Variants in DOCK1 observed in about 807,000 individuals in gnomAD.
The protein encoded by DOCK1 is dedicator of cytokinesis 1.
DOCK1 carries 138 observed loss-of-function variants against 262.7 expected under a neutral mutation model. The observed-to-expected ratio is 0.53, with a 90% CI of 0.46 to 0.61. The LOEUF is 0.61. Among genes scored for constraint, DOCK1 ranks in the 20% least tolerant of loss-of-function variants. DOCK1 has a pLI of 0.00. For synonymous variants in DOCK1, 866 were observed against 867.4 expected (o/e 1.00, Z 0.03); for missense variants, 1,908 against 2,370.7 (o/e 0.80, Z 4.05).
chr10:127,217,320 C>T (rs756839350), intron 27 of DOCK1, among the ~76,000 whole-genome samples: 2 of 152,184 alleles, frequency 1.3e-5, no homozygotes, highest in Non-Finnish European at 2.9e-5. Flanking sequence ...TAGTTTCACA[C>T]TGGGCTTTAT....
At chr10:126,911,083 G>A (rs932804021) in intron 1 of DOCK1, among the ~76,000 whole-genome samples, 2 of 152,200 alleles carry the variant, frequency 1.3e-5, no homozygotes, top group African/African-American at 4.8e-5. Flanking sequence ...AGGCTGAGTC[G>A]TCTGGTAGTT....
intron 27 of DOCK1, 23 bp from the exon 28 acceptor site, chr10:127,247,985 T>A (rs757213138): frequency 1.2e-6 from 2 of 1,609,718 alleles, no homozygotes; most frequent in Non-Finnish European, 8.5e-7. Flanking sequence ...CTCATCTAAT[T>A]CTATCTTTTG....
chr10:127,367,032 A>G (rs2064956052), intron 33 of DOCK1, among the ~76,000 whole-genome samples: 1 of 152,198 alleles, frequency 6.6e-6, no homozygotes, highest in Non-Finnish European at 1.5e-5. Flanking sequence ...AATAATATAT[A>G]TGTCCAGGTG....
intron 27 of DOCK1, 88 bp from the exon 28 acceptor site, chr10:127,247,920 T>C: frequency 7.6e-7 from 1 of 1,316,460 alleles, no homozygotes; most frequent in African/African-American, 1.4e-5. Flanking sequence ...TCCCTGACAG[T>C]TTCAAGTCCC....
rs1405002818 is a variant in DOCK1 at position 126,927,968 on chromosome 10, A to G, written c.46+22405A>G. Among the ~76,000 whole-genome samples the G allele has an allele frequency of 1.4e-3, 218 of 152,168 alleles. 2 individuals are homozygous for G. Among genetic ancestry groups the G allele is most frequent in the Non-Finnish European group, 2.5e-4 (17 of 67,986 alleles). ...CCTGCCGTGCAGGTGAGGGGCACCT[A>G]CCCAGGTGCCACCTGGTCTGCGAAC... On this transcript the variant is annotated intron_variant, in intron 1 of 51. Coordinates refer to ENST00000623213, the MANE Select transcript of DOCK1 (RefSeq NM_001290223.2).
intron 28 of DOCK1, among the ~76,000 whole-genome samples, chr10:127,256,150 C>A (rs1470771897): frequency 1.3e-5 from 2 of 152,188 alleles, no homozygotes; most frequent in Non-Finnish European, 2.9e-5. Flanking sequence ...ATGGTGGGGG[C>A]ACACCAAACT....
chr10:127,281,294 C>T (rs1478767259), intron 29 of DOCK1, among the ~76,000 whole-genome samples: 2 of 152,162 alleles, frequency 1.3e-5, no homozygotes, highest in African/African-American at 2.4e-5. Context: ...GAGCCGTGGC[C>T]TAGCAAATTG....
At chr10:127,056,151 G>A (rs1226078379) in intron 22 of DOCK1, among the ~76,000 whole-genome samples, 1 of 152,114 alleles carries the variant, frequency 6.6e-6, no homozygotes, top group Non-Finnish European at 1.5e-5. Context: ...AGCTAACCGA[G>A]TACTGCAGTG....
intron 27 of DOCK1, among the ~76,000 whole-genome samples, chr10:127,129,074 G>A (rs1410913236): frequency 6.6e-6 from 1 of 152,158 alleles, no homozygotes; most frequent in Non-Finnish European, 1.5e-5. Flanking sequence ...TTCTTGGACA[G>A]CATAGTCAGA....
intron 1 of DOCK1, among the ~76,000 whole-genome samples, chr10:126,949,844 C>T (rs2036036794): frequency 1.3e-5 from 2 of 151,648 alleles, no homozygotes; most frequent in African/African-American, 2.4e-5. Context: ...TTGGGGAGCA[C>T]CAAAGGGAGA....
chr10:127,035,927 G>A (rs374649947), intron 18 of DOCK1, among the ~76,000 whole-genome samples: 89 of 151,994 alleles, frequency 5.9e-4, no homozygotes, highest in African/African-American at 2.0e-3. Context: ...GCTTGAGCCT[G>A]GGAGTTAGAG....
intron 27 of DOCK1, among the ~76,000 whole-genome samples, chr10:127,147,261 C>T (rs934520004): frequency 3.3e-5 from 5 of 152,090 alleles, no homozygotes; most frequent in African/African-American, 9.7e-5. Flanking sequence ...GTTCACGGGT[C>T]GCGAGGTTTC....
At chr10:127,340,532 C>T (rs1477774570) in intron 30 of DOCK1, among the ~76,000 whole-genome samples, 2 of 152,176 alleles carry the variant, frequency 1.3e-5, no homozygotes, top group East Asian at 3.9e-4. Flanking sequence ...CAGGTGTTTA[C>T]AATCACAGGC....
chr10:127,108,148 A>G (rs2048648682), intron 24 of DOCK1, among the ~76,000 whole-genome samples: 1 of 152,210 alleles, frequency 6.6e-6, no homozygotes, highest in African/African-American at 2.4e-5. Flanking sequence ...TCACATACAT[A>G]TTTGTTTCTA....
chr10:127,430,881 G>A (rs879605734), intron 47 of DOCK1, among the ~76,000 whole-genome samples: 13 of 152,162 alleles, frequency 8.5e-5, no homozygotes, highest in African/African-American at 2.2e-4. Context: ...GGGAGACAGC[G>A]ACGTAAAACT....
At chr10:127,141,926 G>A (rs2051299099) in intron 27 of DOCK1, among the ~76,000 whole-genome samples, 1 of 152,200 alleles carries the variant, frequency 6.6e-6, no homozygotes, top group Admixed American at 6.5e-5. Flanking sequence ...CATACTCCAG[G>A]ATCTTTTTGG....
At chr10:127,147,473 T>G (rs919339189) in intron 27 of DOCK1, among the ~76,000 whole-genome samples, 1 of 152,126 alleles carries the variant, frequency 6.6e-6, no homozygotes, top group African/African-American at 2.4e-5. Flanking sequence ...CGCCTGCCTT[T>G]TACGTCCTTG....
intron 29 of DOCK1, among the ~76,000 whole-genome samples, chr10:127,330,007 TA>T (rs2135652025): frequency 6.6e-6 from 1 of 152,272 alleles, no homozygotes; most frequent in African/African-American, 2.4e-5. Context: ...TAATTGTCTC[TA>T]AGCTTGATTT....
chr10:127,016,088 G>C (rs2041859960), intron 12 of DOCK1: 1 of 152,218 alleles, frequency 6.6e-6, no homozygotes, highest in South Asian at 2.1e-4. Context: ...CTTCGCAGTT[G>C]CATATTTCTC....
Sources: gnomAD v4.1 joint callset for allele counts (sites outside exome capture counted in the v4.1 genomes callset) on GRCh38, gnomAD v4.1.1 for gene constraint, MANE v1.5 for transcripts, NCBI Gene and HGNC (gene_info 2026-07-23, HGNC 2026-07-21) for gene names.